Variants in NME9 observed in about 807,000 individuals in gnomAD.
The protein encoded by NME9 is thioredoxin domain-containing protein 6.
Under a neutral mutation model 44.4 loss-of-function variants are expected in NME9, and 48 were observed. The ratio of observed to expected loss-of-function variants is 1.08; its 90% CI spans 0.86 to 1.37. The LOEUF (loss-of-function observed/expected upper bound fraction) is 1.37, where lower values mean the gene tolerates loss of function less well. Ranked by LOEUF, NME9 falls within the 40% of genes most tolerant of loss-of-function variation. The probability of loss-of-function intolerance (pLI) is 0.00; values close to 1 mark genes in which losing one functional copy is unlikely to be tolerated. For missense variants in NME9, 325 were observed against 405.2 expected, an observed-to-expected ratio of 0.80 and a Z score of 1.70; for synonymous variants, 139 against 147.1, an observed-to-expected ratio of 0.94 and a Z score of 0.40.
chr3:138,299,077 A>C (rs77844278), downstream of NME9, among the ~76,000 whole-genome samples: 1,815 of 152,310 alleles, frequency 0.012, 39 homozygotes, highest in African/African-American at 0.039. Context: ...TGGAGGGCTG[A>C]CAGAACGGTT....
intron 8 of NME9, chr3:138,288,939 G>A (rs767498533): frequency 5.2e-4 from 440 of 851,248 alleles, no homozygotes; most frequent in Admixed American, 1.8e-3. Context: ...ACCTGGCCCT[G>A]CTTCAGACTT....
intron 8 of NME9, chr3:138,262,616 T>A: frequency 6.6e-7 from 1 of 1,523,086 alleles, no homozygotes; most frequent in Non-Finnish European, 8.9e-7. Flanking sequence ...AAAAAAAATT[T>A]AGGTGCCTAG....
chr3:138,306,424 C>T lies in NME9; in HGVS notation c.517G>A (p.Gly173Arg), dbSNP rs1375762509. 1.9e-6 allele frequency: 3 copies of T among 1,613,472 alleles called. No individual in the cohort carries two copies. Among genetic ancestry groups the T allele is most frequent in the East Asian group, 4.5e-5 (2 of 44,886 alleles). ...TTCATGATAATCTCATCAGTCTTTC[C>T]ATGGGCCACTGCATCTGGTTTAATG... ...AIIKPDAVAHGKTDEIIMKIQ... is the reference protein window; with the variant it reads ...AIIKPDAVAHRKTDEIIMKIQ... The change falls in exon 7 of 11, where the codon GGA becomes AGA. Residue 173 changes from glycine (G) to arginine (R), a missense_variant. Coordinates refer to ENST00000333911, the MANE Select transcript of NME9 (RefSeq NM_001349018.2).
chr3:138,275,420 G>A (rs962809554), intron 8 of NME9, among the ~76,000 whole-genome samples: 2 of 152,132 alleles, frequency 1.3e-5, no homozygotes, highest in Non-Finnish European at 2.9e-5. Context: ...TTAGCCAGGC[G>A]CGGTGGCGGG....
intron 1 of NME9, among the ~76,000 whole-genome samples, chr3:138,328,439 A>C (rs1343016426): frequency 1.3e-5 from 2 of 149,872 alleles, no homozygotes. Context: ...TGAAATCCAC[A>C]TGCAAACTGC....
intron 1 of NME9, among the ~76,000 whole-genome samples, chr3:138,327,422 T>TG (rs2053866692): frequency 6.6e-6 from 1 of 151,930 alleles, no homozygotes; most frequent in Admixed American, 6.6e-5. Context: ...TGTCATGGAG[T>TG]GAGTCCCACC....
intron 8 of NME9, chr3:138,262,655 G>A: frequency 1.4e-6 from 2 of 1,460,052 alleles, no homozygotes; most frequent in Non-Finnish European, 1.8e-6. Context: ...TAATTTAATT[G>A]GTCTGCTGTA....
chr3:138,322,736 C>T (rs1016593602), intron 2 of NME9, among the ~76,000 whole-genome samples: 6 of 152,102 alleles, frequency 3.9e-5, no homozygotes, highest in Non-Finnish European at 7.4e-5. Context: ...AAGAGGAGGC[C>T]TTGCTGCCTT....
At chr3:138,276,951 A>G (rs1027707343) in intron 8 of NME9, among the ~76,000 whole-genome samples, 2 of 152,234 alleles carry the variant, frequency 1.3e-5, no homozygotes, top group Non-Finnish European at 2.9e-5. Context: ...CAAAGGAACT[A>G]AAAAGCCAAA....
intron 8 of NME9, chr3:138,288,160 G>A (rs186834827): frequency 2.8e-3 from 426 of 153,696 alleles, no homozygotes; most frequent in Non-Finnish European, 4.8e-3. Context: ...TTTTCAGCAA[G>A]TTGTGTCAGA....
At chr3:138,281,663 CA>C (rs1174149953) in intron 8 of NME9, among the ~76,000 whole-genome samples, 1 of 152,158 alleles carries the variant, frequency 6.6e-6, no homozygotes, top group Non-Finnish European at 1.5e-5. Context: ...AGCTTCAAAA[CA>C]GAACTGTACC....
intron 8 of NME9, among the ~76,000 whole-genome samples, chr3:138,292,985 A>T (rs902083279): frequency 6.6e-6 from 1 of 152,168 alleles, no homozygotes; most frequent in African/African-American, 2.4e-5. Context: ...TTCAAAACTC[A>T]TATCAGGTTG....
At chr3:138,266,642 G>A (rs562910239) in intron 8 of NME9, among the ~76,000 whole-genome samples, 1 of 152,284 alleles carries the variant, frequency 6.6e-6, no homozygotes, top group African/African-American at 2.4e-5. Flanking sequence ...GAAGTGTCCA[G>A]TTGGAACTAG....
At chr3:138,309,302 C>CAAAA (rs35216977) in intron 6 of NME9, among the ~76,000 whole-genome samples, 1 of 140,976 alleles carries the variant, frequency 7.1e-6, no homozygotes, top group Non-Finnish European at 1.6e-5. Flanking sequence ...TCATCTCAAA[C>CAAAA]AAAAAAAAAA....
At chr3:138,302,099 C>T (rs1322139271) in intron 10 of NME9, among the ~76,000 whole-genome samples, 3 of 152,096 alleles carry the variant, frequency 2.0e-5, no homozygotes, top group Non-Finnish European at 4.4e-5. Flanking sequence ...GATTCAAACC[C>T]GGGATTGTCT....
chr3:138,303,666 A>T (rs752071148), intron 9 of NME9, 23 bp from the exon 10 acceptor site: 2 of 1,586,192 alleles, frequency 1.3e-6, no homozygotes, highest in Admixed American at 3.4e-5. Context: ...GCAAAATGTA[A>T]AAGAAACAAT....
At chr3:138,271,502 A>G (rs1277365390) in intron 8 of NME9, among the ~76,000 whole-genome samples, 1 of 152,202 alleles carries the variant, frequency 6.6e-6, no homozygotes, top group Non-Finnish European at 1.5e-5. Context: ...TCTGACATGC[A>G]CAACTTTAAT....
At chr3:138,263,447 A>G (rs2108263479) in intron 8 of NME9, 1 of 339,564 alleles carries the variant, frequency 2.9e-6, no homozygotes, top group South Asian at 4.0e-5. Context: ...GATTATTTAC[A>G]TAACACCTCT....
downstream of NME9, among the ~76,000 whole-genome samples, chr3:138,298,571 C>T (rs2051677072): frequency 6.6e-6 from 1 of 152,124 alleles, no homozygotes; most frequent in Non-Finnish European, 1.5e-5. Flanking sequence ...CTGGGGACCC[C>T]TCTCTTTTTG....
Sources: allele counts gnomAD v4.1 joint callset (sites outside exome capture counted in the v4.1 genomes callset), GRCh38; gene constraint gnomAD v4.1.1; transcripts MANE v1.5; gene names NCBI Gene and HGNC (gene_info 2026-07-23, HGNC 2026-07-21).